The following DST variants were observed in gnomAD, a reference collection of about 807,000 sequenced individuals.
DST encodes the protein dystonin.
In DST, 253 loss-of-function variants were observed where a neutral mutation model predicts 875.2. That is an observed-to-expected ratio of 0.29 (90% CI 0.26 to 0.32). DST has a LOEUF of 0.32. Among genes scored for constraint, DST ranks in the 10% least tolerant of loss-of-function variants. The pLI is 1.00. For synonymous variants in DST, 3,124 were observed against 3,197.1 expected (o/e 0.98, Z 0.77); for missense variants, 8,287 against 9,111.6 (o/e 0.91, Z 3.68).
At chr6:56,907,640 C>T (rs1796988086) in intron 2 of DST, among the ~76,000 whole-genome samples, 2 of 152,156 alleles carry the variant, frequency 1.3e-5, no homozygotes, top group South Asian at 4.1e-4. Flanking sequence ...GTAATGCATT[C>T]AGAATTAATC....
At chr6:56,614,592 A>G (rs2098594393) in intron 36 of DST, 108 bp from the exon 37 acceptor site, 1 of 1,342,728 alleles carries the variant, frequency 7.4e-7, no homozygotes. Flanking sequence ...TTCATCACAC[A>G]CAGGTTACTA....
chr6:56,812,540 A>G (rs1215775915), intron 4 of DST, among the ~76,000 whole-genome samples: 2 of 152,232 alleles, frequency 1.3e-5, no homozygotes, highest in African/African-American at 2.4e-5. Flanking sequence ...ATCTAAACTA[A>G]GATTTACTTG....
chr6:56,534,865 C>T (rs898929816), intron 63 of DST, among the ~76,000 whole-genome samples: 1 of 151,992 alleles, frequency 6.6e-6, no homozygotes, highest in South Asian at 2.1e-4. Flanking sequence ...CCTGGCACAC[C>T]CTTCCCACTT....
At chr6:56,580,182 C>T (rs1016368236) in intron 49 of DST, among the ~76,000 whole-genome samples, 1 of 152,166 alleles carries the variant, frequency 6.6e-6, no homozygotes, top group East Asian at 1.9e-4. Flanking sequence ...TCCTTGGTTA[C>T]AGTAGCCACA....
chr6:56,860,748 G>T (rs1770705260), intron 3 of DST, among the ~76,000 whole-genome samples: 1 of 152,124 alleles, frequency 6.6e-6, no homozygotes, highest in African/African-American at 2.4e-5. Context: ...GTCACTTCAG[G>T]AAATATGAAA....
rs537855871 is a variant in DST at position 56,585,833 on chromosome 6, T to C, written c.12903+6349A>G. Among the ~76,000 whole-genome samples, 14 of 152,316 alleles carry C rather than the reference T, an allele frequency of 9.2e-5. No individual in the cohort carries two copies. In the East Asian group the frequency reaches 1.7e-3, roughly 19 times the overall value. On this transcript the variant is annotated intron_variant, in intron 49 of 103. Coordinates refer to ENST00000680361, the MANE Select transcript of DST (RefSeq NM_001374736.1). ...TGGTTTCAAAGAACATCTTTATTTC[T>C]GCCTTCATTTCGTTAGGTACCCAGT...
chr6:56,717,305 G>C (rs1396409190), intron 5 of DST, among the ~76,000 whole-genome samples: 2 of 152,166 alleles, frequency 1.3e-5, no homozygotes, highest in African/African-American at 4.8e-5. Context: ...CTGCTGATCT[G>C]ACAGGAGGTG....
Position 56,458,565 on chromosome 6 carries a change from T to G in DST, c.*440A>C, listed in dbSNP as rs1359277664. The G allele has an allele frequency of 6.5e-6, 1 of 153,222 alleles. No individual in the cohort carries two copies. The highest frequency in any genetic ancestry group is 1.5e-5 in the Non-Finnish European group (1 of 68,504). The allele number at this position is 153,222 out of a possible 1,614,324, so 9.5% of individuals were successfully genotyped here. A position where few individuals can be genotyped will look rare whatever the true frequency, so the allele number is the denominator to read the frequency against. On this transcript the variant is annotated 3_prime_UTR_variant, in exon 104 of 104. Coordinates refer to ENST00000680361, the MANE Select transcript of DST (RefSeq NM_001374736.1). Reference sequence around the variant, plus strand: ...TGTGTTTGTCTTTTTGTCTTCCATCTTTTGGTTTACATTTAAATCATCTCA... The same window carrying G: ...TGTGTTTGTCTTTTTGTCTTCCATCGTTTGGTTTACATTTAAATCATCTCA...
rs778881592 is a variant in DST at position 56,634,628 on chromosome 6, T to C, written c.3340-12A>G. Reference sequence around the variant, plus strand: ...TTGTAAATGGTTATCTGGTTTAAAATAAAGAGCAGAATAACTCAATGAGGT... The same window carrying C: ...TTGTAAATGGTTATCTGGTTTAAAACAAAGAGCAGAATAACTCAATGAGGT... On this transcript the variant is annotated splice_polypyrimidine_tract_variant and intron_variant, in intron 25 of 103. Coordinates refer to ENST00000680361, the MANE Select transcript of DST (RefSeq NM_001374736.1). 6.2e-7 allele frequency: 1 copy of C among 1,614,026 alleles called. No individual in the cohort carries two copies. Among genetic ancestry groups the C allele is most frequent in the Non-Finnish European group, 8.5e-7 (1 of 1,179,936 alleles).
chr6:56,739,369 G>T (rs2099537919), intron 4 of DST, among the ~76,000 whole-genome samples: 1 of 151,966 alleles, frequency 6.6e-6, no homozygotes, highest in African/African-American at 2.4e-5. Context: ...CAAGAACAAG[G>T]AAACAGAAAC....
At position 56,494,090 on chromosome 6, in the gene DST, C is replaced by T. The variant is rs752883755; in HGVS notation, c.20314G>A (p.Ala6772Thr). Residue 6772 changes from alanine (A) to threonine (T), a missense_variant, in exon 83 of 104, where the codon GCA becomes ACA. By Grantham distance (58) the Ala-to-Thr change is moderately conservative. This residue lies in a region of DST where 1,292 missense variants were observed against 1,552.7 expected (regional missense o/e 0.83). Transcript: ENST00000680361. ...ATGTCTTGGTCAATATTTGTCTCTG[C>T]AGATTTTGGGCATCTTGCAAGCATC... ...QQMLARCPKS[A>T]ETNIDQDINN... is the part of the protein sequence containing the mutation. 1 of 1,611,344 alleles carries T rather than the reference C, an allele frequency of 6.2e-7. No homozygotes were observed. Among genetic ancestry groups the T allele is most frequent in the Admixed American group, 1.7e-5 (1 of 59,906 alleles).
In DST at chr6:56,569,969, G is replaced by T; in HGVS notation, c.13765C>A (p.Gln4589Lys). 2 of 1,607,280 alleles carry T rather than the reference G, an allele frequency of 1.2e-6. No individual in the cohort carries two copies. The highest frequency in any genetic ancestry group is 1.7e-6 in the Non-Finnish European group (2 of 1,177,762). Residue 4589 changes from glutamine (Q) to lysine (K), a missense_variant, in exon 54 of 104, where the codon CAA becomes AAA. Physicochemically the swap from Gln to Lys is moderately conservative, Grantham distance 53. Coordinates refer to ENST00000680361, the MANE Select transcript of DST (RefSeq NM_001374736.1). ...GACTTCAATGATTTAACAAGAACTTGGAAAGCATCCAACTGTTCTTGACAA... is the reference window on the plus strand; with the variant it reads ...GACTTCAATGATTTAACAAGAACTTTGAAAGCATCCAACTGTTCTTGACAA... ...TSCQEQLDAF[Q>K]VLVKSLKSWI...
At position 56,701,895 on chromosome 6, in the gene DST, CT is replaced by C; in HGVS notation, c.946del (p.Arg316AspfsTer4). ...NVQIALDYLKRRQVKLVNIRN... is the reference protein window; with the variant it reads ...NVQIALDYLKXRQVKLVNIRN... ...ATTTTCAAAACATCATACCTGGCGT[CT>C]TTTCAAATAGTCAAGTGCAATTTGT... On this transcript the variant is annotated frameshift_variant, in exon 8 of 104. Transcript: ENST00000680361. LOFTEE classifies it high-confidence loss of function. 2 of 1,601,268 alleles carry C rather than the reference CT, an allele frequency of 1.2e-6. No homozygotes were observed. The highest frequency in any genetic ancestry group is 1.7e-6 in the Non-Finnish European group (2 of 1,169,798).
At chr6:56,663,050 C>G (rs958462812) in intron 10 of DST, among the ~76,000 whole-genome samples, 4 of 152,144 alleles carry the variant, frequency 2.6e-5, no homozygotes, top group Admixed American at 2.0e-4. Context: ...TTAATCTAGG[C>G]AAGAAGGCCA....
In DST at chr6:56,954,359, C is replaced by T. The variant is rs545551642; in HGVS notation, c.181+48G>A. 18 of 1,319,024 alleles carry T rather than the reference C, an allele frequency of 1.4e-5. No individual in the cohort carries two copies. The African/African-American group carries it at 2.4e-4, about 18-fold the overall frequency. The allele number at this position is 1,319,024 out of a possible 1,614,324, so 81.7% of individuals were successfully genotyped here. ...AGCCGCGCTTCACTCTCCAAATCGG[C>T]TTAATTGTTCCTGGTAGCCCGCAGA... On this transcript the variant is annotated intron_variant, in intron 1 of 103. Transcript: ENST00000680361.
chr6:56,763,191 C>G lies in DST; in HGVS notation c.626-27902G>C, dbSNP rs541129399. 2.6e-5 allele frequency among the ~76,000 whole-genome samples: 4 copies of G among 152,204 alleles called. No individual in the cohort carries two copies. In the South Asian group the frequency reaches 8.3e-4, roughly 32 times the overall value. ...TAGAAAGCATTTTCTCCTTGTTTAC[C>G]TCAGGGATTTGCCATACATGACCAT... On this transcript the variant is annotated intron_variant, in intron 4 of 103. Coordinates refer to ENST00000680361, the MANE Select transcript of DST (RefSeq NM_001374736.1).
At chr6:56,579,066 A>T (rs913947541) in intron 49 of DST, 129 bp from the exon 50 acceptor site, 18 of 746,194 alleles carry the variant, frequency 2.4e-5, no homozygotes, top group Non-Finnish European at 3.6e-5. Context: ...ACCAACTTTC[A>T]TCATCAACTT....
chr6:56,627,721 T>C (rs1587073548), intron 33 of DST, among the ~76,000 whole-genome samples: 1 of 152,188 alleles, frequency 6.6e-6, no homozygotes, highest in African/African-American at 2.4e-5. Context: ...GTCAAAGAGA[T>C]TTCTATACCT....
chr6:56,897,579 C>A (rs1419677731), intron 3 of DST, among the ~76,000 whole-genome samples: 1 of 152,118 alleles, frequency 6.6e-6, no homozygotes, highest in Non-Finnish European at 1.5e-5. Flanking sequence ...GTTTTGCCCA[C>A]CTTGGTATCC....
Sources: allele counts gnomAD v4.1 joint callset (sites outside exome capture counted in the v4.1 genomes callset), GRCh38; gene constraint gnomAD v4.1.1; regional missense constraint gnomAD v4.1.1; transcripts MANE v1.5; gene names NCBI Gene and HGNC (gene_info 2026-07-23, HGNC 2026-07-21).